KCNQ1: variants seen among roughly 807,000 people sequenced by gnomAD.
KCNQ1 encodes potassium voltage-gated channel subfamily KQT member 1.
Under a neutral mutation model 72.4 loss-of-function variants are expected in KCNQ1, and 49 were observed. That is an observed-to-expected ratio of 0.68 (90% CI 0.54 to 0.86). The LOEUF (loss-of-function observed/expected upper bound fraction) is 0.86, where lower values mean the gene tolerates loss of function less well. Ranked by LOEUF, KCNQ1 falls within the 40% of genes least tolerant of loss-of-function variation. The probability of loss-of-function intolerance (pLI) is 0.00; values close to 1 mark genes in which losing one functional copy is unlikely to be tolerated. For synonymous variants in KCNQ1, 450 were observed against 412.6 expected (o/e 1.09, Z -1.10); for missense variants, 790 against 945.1 (o/e 0.84, Z 2.15).
At chr11:2,513,297 ATC>A (rs1275284941) in intron 1 of KCNQ1, among the ~76,000 whole-genome samples, 48 of 152,110 alleles carry the variant, frequency 3.2e-4, no homozygotes, top group African/African-American at 1.2e-3. Flanking sequence ...CGCAGAGACT[ATC>A]TCTAAGTGTC....
In KCNQ1 at chr11:2,808,714, A is replaced by G. The variant is rs549887453; in HGVS notation, c.1794+30677A>G. ...TGACCATGCCCCCTTTCCCTAGGAT[A>G]CCCCTTGTTATCCTAGAAATACCCA... On this transcript the variant is annotated intron_variant, in intron 15 of 15. Coordinates refer to ENST00000155840, the MANE Select transcript of KCNQ1 (RefSeq NM_000218.3). The surrounding 1 kb of genome is among the most constrained non-coding windows in gnomAD (Gnocchi z 6.0). Among the ~76,000 whole-genome samples the G allele has an allele frequency of 1.3e-5, 2 of 152,286 alleles. No homozygotes were observed. The highest frequency in any genetic ancestry group is 2.4e-5 in the African/African-American group (1 of 41,554).
intron 11 of KCNQ1, among the ~76,000 whole-genome samples, chr11:2,741,675 A>G (rs1470813175): frequency 6.6e-6 from 1 of 152,124 alleles, no homozygotes; most frequent in East Asian, 1.9e-4. Context: ...CTGGCCTGCA[A>G]TTATCACCCC....
At chr11:2,465,723 T>C (rs1846342612) in intron 1 of KCNQ1, among the ~76,000 whole-genome samples, 1 of 152,090 alleles carries the variant, frequency 6.6e-6, no homozygotes, top group Admixed American at 6.6e-5. Context: ...TGGGAGAAGG[T>C]TTACGGAGGA....
rs572825983 is a variant in KCNQ1 at position 2,695,280 on chromosome 11, C to T, written c.1514+33199C>T. ...ACTTCATCTCTAGCCTCTATCCTTG[C>T]TCTCCTCCCTACACAAACAGCTTCT... is the stretch of plus-strand genomic sequence containing the variant. On this transcript the variant is annotated intron_variant, in intron 11 of 15. Transcript: ENST00000155840. The surrounding 1 kb of genome is among the most constrained non-coding windows in gnomAD (Gnocchi z 5.2). 5.0e-6 allele frequency: 2 copies of T among 398,664 alleles called. No individual in the cohort carries two copies. The highest frequency in any genetic ancestry group is 3.6e-5 in the East Asian group (1 of 28,078). The allele number at this position is 398,664 out of a possible 1,614,324, so 24.7% of individuals were successfully genotyped here. A position where few individuals can be genotyped will look rare whatever the true frequency, so the allele number is the denominator to read the frequency against.
Position 2,715,618 on chromosome 11 carries a change from C to T in KCNQ1, c.1515-53226C>T, listed in dbSNP as rs949982244. Among the ~76,000 whole-genome samples, 2 of 152,170 alleles carry T rather than the reference C, an allele frequency of 1.3e-5. No homozygotes were observed. The highest frequency in any genetic ancestry group is 2.9e-5 in the Non-Finnish European group (2 of 68,014). On this transcript the variant is annotated intron_variant, in intron 11 of 15. Coordinates refer to ENST00000155840, the MANE Select transcript of KCNQ1 (RefSeq NM_000218.3). This position sits in a 1 kb window ranked among gnomAD's most constrained non-coding sequence, Gnocchi z 4.9. The stretch of plus-strand genomic sequence containing the variant: ...CCCCTGGGACCCATCCTTCCAAGCC[C>T]CTGCCAGCCTTGGAACCTGTGACTC...
intron 10 of KCNQ1, chr11:2,634,202 G>A (rs1849413633): frequency 2.5e-6 from 1 of 394,266 alleles, no homozygotes; most frequent in African/African-American, 2.1e-5. Context: ...TAAGTTCTAG[G>A]GTACATGTGC....
In KCNQ1 at chr11:2,720,879, G is replaced by T. The variant is rs1306741567; in HGVS notation, c.1515-47965G>T. Among the ~76,000 whole-genome samples the T allele has an allele frequency of 1.3e-5, 2 of 152,184 alleles. No homozygotes were observed. Among genetic ancestry groups the T allele is most frequent in the East Asian group, 3.9e-4 (2 of 5,162 alleles). On this transcript the variant is annotated intron_variant, in intron 11 of 15. Coordinates refer to ENST00000155840, the MANE Select transcript of KCNQ1 (RefSeq NM_000218.3). The surrounding 1 kb of genome is among the most constrained non-coding windows in gnomAD (Gnocchi z 5.1). ...TTGCTGGGAGTTGGGGCCTGGCCTG[G>T]ACCTCGAGGCCACTGGGGACTTGGC...
chr11:2,647,558 T>C lies in KCNQ1; in HGVS notation c.1394-14403T>C, dbSNP rs934184500. ...TTCCTTTCTCTTCAGTCTTTTGGAA[T>C]TGTCTGAGAAGAATTCATGTTAGTT... On this transcript the variant is annotated intron_variant, in intron 10 of 15. Transcript: ENST00000155840. The surrounding 1 kb of genome is among the most constrained non-coding windows in gnomAD (Gnocchi z 4.0). 6 of 398,576 alleles carry C rather than the reference T, an allele frequency of 1.5e-5. No homozygotes were observed. The highest frequency in any genetic ancestry group is 6.3e-4 in the Middle Eastern group (1 of 1,588). The allele number at this position is 398,576 out of a possible 1,614,324, so 24.7% of individuals were successfully genotyped here.
At chr11:2,629,276 T>C (rs1048954547) in intron 10 of KCNQ1, 2 of 398,316 alleles carry the variant, frequency 5.0e-6, no homozygotes, top group African/African-American at 4.1e-5. Flanking sequence ...GTTCAATGTT[T>C]CATAGTTTTC....
At chr11:2,686,891 G>A (rs1246607970) in intron 11 of KCNQ1, 7 of 398,582 alleles carry the variant, frequency 1.8e-5, no homozygotes, top group African/African-American at 1.4e-4. Context: ...TGACCAGCCT[G>A]AAGATAGAGG....
chr11:2,641,798 C>G, intron 10 of KCNQ1: 1 of 398,386 alleles, frequency 2.5e-6, no homozygotes, highest in Non-Finnish European at 4.4e-6. Context: ...TTTAACCCAT[C>G]TTGAGTTGAT....
At chr11:2,529,399 A>G (rs189251407) in intron 2 of KCNQ1, among the ~76,000 whole-genome samples, 135 of 149,938 alleles carry the variant, frequency 9.0e-4, no homozygotes, top group African/African-American at 3.0e-3. Context: ...AGCCCCGGGA[A>G]GAAACTCGAA....
rs892230010 is a variant in KCNQ1, at chr11:2,567,712, A to C, written c.478-2916A>C. 6.6e-6 allele frequency among the ~76,000 whole-genome samples: 1 copy of C among 152,258 alleles called. No individual in the cohort carries two copies. Among genetic ancestry groups the C allele is most frequent in the Admixed American group, 6.5e-5 (1 of 15,304 alleles). ...ATGCAGCCTTGCACTGCCTTCCCAC[A>C]TCCAGCTGGATTTGGGGATCAGTGT... On this transcript the variant is annotated intron_variant, in intron 2 of 15. Transcript: ENST00000155840. The surrounding 1 kb of genome is among the most constrained non-coding windows in gnomAD (Gnocchi z 6.6).
chr11:2,445,340 C>T lies in KCNQ1; in HGVS notation c.242C>T (p.Pro81Leu), dbSNP rs771921468. 1.5e-5 allele frequency: 24 copies of T among 1,590,868 alleles called. No homozygotes were observed. The highest frequency in any genetic ancestry group is 2.7e-5 in the African/African-American group (2 of 74,632). Residue 81 changes from proline (P) to leucine (L), a missense_variant, in exon 1 of 16, where the codon CCG becomes CTG. Physicochemically the swap from Pro to Leu is moderately conservative, Grantham distance 98. Coordinates refer to ENST00000155840, the MANE Select transcript of KCNQ1 (RefSeq NM_000218.3). ...AAPPVASDLG[P>L]RPPVSLDPRV... ...CCCCCAGTTGCCTCCGACCTTGGCC[C>T]GCGGCCGCCGGTGAGCCTAGACCCG... is the stretch of plus-strand genomic sequence containing the variant.
At chr11:2,804,001 G>A (rs957215626) in intron 15 of KCNQ1, among the ~76,000 whole-genome samples, 5 of 152,186 alleles carry the variant, frequency 3.3e-5, no homozygotes, top group Non-Finnish European at 7.3e-5. Flanking sequence ...GGAAGGTATC[G>A]GGGAGTCGAA....
At chr11:2,825,448 G>A (rs1029417290) in intron 15 of KCNQ1, among the ~76,000 whole-genome samples, 7 of 152,210 alleles carry the variant, frequency 4.6e-5, no homozygotes, top group African/African-American at 1.7e-4. Context: ...GGGGGGGTAG[G>A]GGCGCCCCAG....
At chr11:2,530,693 A>G (rs957955170) in intron 2 of KCNQ1, among the ~76,000 whole-genome samples, 6 of 152,276 alleles carry the variant, frequency 3.9e-5, no homozygotes, top group Admixed American at 2.6e-4. Flanking sequence ...CTCTGTTTCA[A>G]TGTGTGTACA....
chr11:2,572,879 G>A lies in KCNQ1; in HGVS notation c.814G>A (p.Gly272Ser), dbSNP rs749091087. 3.7e-6 allele frequency: 6 copies of A among 1,613,674 alleles called. No homozygotes were observed. Among genetic ancestry groups the A allele is most frequent in the Non-Finnish European group, 5.1e-6 (6 of 1,180,034 alleles). The change falls in exon 6 of 16, where the codon GGC (glycine) becomes AGC (serine). Residue 272 changes from glycine (G) to serine (S), a missense_variant. Physicochemically the swap from Gly to Ser is moderately conservative, Grantham distance 56 (BLOSUM62 0). This residue lies in a region of KCNQ1 where 133 missense variants were observed against 219.5 expected (regional missense o/e 0.61). Transcript: ENST00000155840. ...LITTLYIGFL[G>S]LIFSSYFVYL... Reference sequence around the variant, plus strand: ...AACCACCCTGTACATCGGCTTCCTGGGCCTCATCTTCTCCTCGTACTTTGT... The same window carrying A: ...AACCACCCTGTACATCGGCTTCCTGAGCCTCATCTTCTCCTCGTACTTTGT...
rs1846456395 is a variant in KCNQ1 at position 2,471,528 on chromosome 11, T to G, written c.386+26044T>G. 6.6e-6 allele frequency among the ~76,000 whole-genome samples: 1 copy of G among 152,224 alleles called. No individual in the cohort carries two copies. Among genetic ancestry groups the G allele is most frequent in the African/African-American group, 2.4e-5 (1 of 41,458 alleles). ...ATGCTGATGGCCCAGCTCTGGGTCCTAAGCATGGCAGTATCACAGCCTCAC... is the reference window on the plus strand; with the variant it reads ...ATGCTGATGGCCCAGCTCTGGGTCCGAAGCATGGCAGTATCACAGCCTCAC... On this transcript the variant is annotated intron_variant, in intron 1 of 15. Transcript: ENST00000155840. The surrounding 1 kb of genome is among the most constrained non-coding windows in gnomAD (Gnocchi z 4.8).
Sources: gnomAD v4.1 joint callset for allele counts (sites outside exome capture counted in the v4.1 genomes callset) on GRCh38, gnomAD v4.1.1 for gene constraint, gnomAD v4.1.1 regional missense constraint, Gnocchi (gnomAD v3.1) non-coding constraint, MANE v1.5 for transcripts, NCBI Gene and HGNC (gene_info 2026-07-23, HGNC 2026-07-21) for gene names.